The following MAPT variants were observed in gnomAD, a reference collection of about 807,000 sequenced individuals.
MAPT encodes microtubule associated protein tau.
MAPT carries 34 observed loss-of-function variants against 67.9 expected under a neutral mutation model. The ratio of observed to expected loss-of-function variants is 0.50; its 90% CI spans 0.38 to 0.67. The LOEUF is 0.67. Among genes scored for constraint, MAPT ranks in the 30% least tolerant of loss-of-function variants. The probability of loss-of-function intolerance (pLI) is 0.00; values close to 1 mark genes in which losing one functional copy is unlikely to be tolerated. For missense variants in MAPT, 881 were observed against 1,115.2 expected (o/e 0.79, Z 2.99); for synonymous variants, 456 against 464.5 (o/e 0.98, Z 0.23).
chr17:46,013,413 C>A (rs60969130), intron 10 of MAPT, among the ~76,000 whole-genome samples: 31,313 of 152,080 alleles, frequency 0.21, 3,642 homozygotes, highest in East Asian at 0.47. Context: ...TGACTGAGAT[C>A]AGCTGGCAGC....
At chr17:45,938,079 A>C (rs904477106) in intron 1 of MAPT, among the ~76,000 whole-genome samples, 13 of 152,196 alleles carry the variant, frequency 8.5e-5, no homozygotes, top group Non-Finnish European at 1.8e-4. Context: ...AGTCCACATT[A>C]ATGAAATCAA....
In MAPT at chr17:45,971,785, C is replaced by G; in HGVS notation, c.134-74C>G. 1 of 1,063,176 alleles carries G rather than the reference C, an allele frequency of 9.4e-7. No homozygotes were observed. Among genetic ancestry groups the G allele is most frequent in the Non-Finnish European group, 1.5e-6 (1 of 680,726 alleles). 65.9% of individuals were successfully genotyped at this position (1,063,176 alleles called of 1,614,324 possible). On this transcript the variant is annotated intron_variant, in intron 2 of 12. Transcript: ENST00000262410. This position sits in a 1 kb window ranked among gnomAD's most constrained non-coding sequence, Gnocchi z 4.3. The stretch of plus-strand genomic sequence containing the variant: ...TTTCAGCTCCACAGGACACTGCTCC[C>G]CAGTTCCTCCTGAGAACAAAAGGGG...
At chr17:45,974,405 G>A in intron 3 of MAPT, 1 of 1,610,056 alleles carries the variant, frequency 6.2e-7, no homozygotes, top group South Asian at 1.1e-5. Context: ...ACCCTTAGTG[G>A]ATGAGGGAGC....
intron 1 of MAPT, among the ~76,000 whole-genome samples, chr17:45,958,479 G>A (rs1027119756): frequency 1.3e-5 from 2 of 152,194 alleles, no homozygotes; most frequent in Non-Finnish European, 2.9e-5. Context: ...CAGCACTTTG[G>A]AAGGCTGAAG....
intron 1 of MAPT, among the ~76,000 whole-genome samples, chr17:45,941,633 TCTTTCCCTCCTTCCCCCCTTCCAC>T (rs1411386603): frequency 3.4e-5 from 3 of 88,766 alleles, no homozygotes; most frequent in Admixed American, 1.4e-4. Flanking sequence ...CCTCCTTCCC[TCTTTCCCTCCTTCCCCCCTTCCAC>T]CCTTCCCCCC....
At chr17:46,022,968 C>A (rs868196369) in intron 12 of MAPT, among the ~76,000 whole-genome samples, 9 of 152,308 alleles carry the variant, frequency 5.9e-5, no homozygotes, top group Admixed American at 2.6e-4. Flanking sequence ...CCCATCCACA[C>A]ATAAAAAGGC....
rs2076741210 is a variant in MAPT, at chr17:46,024,890, G to C, written c.*719G>C. 6.3e-6 allele frequency: 1 copy of C among 158,140 alleles called. No individual in the cohort carries two copies. Among genetic ancestry groups the C allele is most frequent in the African/African-American group, 2.4e-5 (1 of 41,490 alleles). 9.8% of individuals were successfully genotyped at this position (158,140 alleles called of 1,614,324 possible). A position where few individuals can be genotyped will look rare whatever the true frequency, so the allele number is the denominator to read the frequency against. On this transcript the variant is annotated 3_prime_UTR_variant, in exon 13 of 13. Transcript: ENST00000262410. Reference sequence around the variant, plus strand: ...TGGCCGGGGGTGGGGGCCTGCTGTGGGTCAGTGTGCCACCCTCTGCAGGGC... The same window carrying C: ...TGGCCGGGGGTGGGGGCCTGCTGTGCGTCAGTGTGCCACCCTCTGCAGGGC...
chr17:46,019,882 C>T (rs937129130), intron 12 of MAPT, among the ~76,000 whole-genome samples: 8 of 151,588 alleles, frequency 5.3e-5, no homozygotes, highest in Admixed American at 3.3e-4. Context: ...TGTGGTGGTG[C>T]GTGCCTGTAA....
In MAPT at chr17:46,000,858, G is replaced by A. The variant is rs375295483; in HGVS notation, c.1998+4194G>A. Among the ~76,000 whole-genome samples, 19 of 152,338 alleles carry A rather than the reference G, an allele frequency of 1.2e-4. No homozygotes were observed. In the South Asian group the frequency reaches 3.9e-3, roughly 32 times the overall value. The stretch of plus-strand genomic sequence containing the variant: ...AGCCCCTGGTTCCCACATCCCCTTT[G>A]CCAAGCTCATCCCCGCCCTGTTTGG... On this transcript the variant is annotated intron_variant, in intron 9 of 12. Transcript: ENST00000262410.
chr17:45,940,199 G>A (rs552309902), intron 1 of MAPT, among the ~76,000 whole-genome samples: 2 of 152,352 alleles, frequency 1.3e-5, no homozygotes, highest in African/African-American at 4.8e-5. Context: ...TGGATTTGAT[G>A]CTTTGGAAAG....
At chr17:45,999,808 C>A in intron 9 of MAPT, 1 of 709,566 alleles carries the variant, frequency 1.4e-6, no homozygotes, top group Non-Finnish European at 2.3e-6. Flanking sequence ...GGAAAAGTGG[C>A]AGAGGACACA....
In MAPT at chr17:46,010,061, T is replaced by C. The variant is rs1221100852; in HGVS notation, c.1999-249T>C. On this transcript the variant is annotated intron_variant, in intron 9 of 12. Transcript: ENST00000262410. The surrounding 1 kb of genome is among the most constrained non-coding windows in gnomAD (Gnocchi z 4.7). ...GCAATCCCAGCTTCGTAAAGCCCGC[T>C]GGAAATCACTCACACTTCTGGGATG... 6.6e-6 allele frequency among the ~76,000 whole-genome samples: 1 copy of C among 152,190 alleles called. No individual in the cohort carries two copies. Among genetic ancestry groups the C allele is most frequent in the Non-Finnish European group, 1.5e-5 (1 of 68,032 alleles).
At position 45,950,747 on chromosome 17, in the gene MAPT, C is replaced by T. The variant is rs1598111374; in HGVS notation, c.-17-11574C>T. 3.3e-5 allele frequency among the ~76,000 whole-genome samples: 5 copies of T among 152,274 alleles called. No individual in the cohort carries two copies. In the South Asian group the frequency reaches 1.0e-3, roughly 32 times the overall value. ...GCATGATCTAGGCTCACTGCAACCTCTCCCTCCTGGGTTCAAGTGATTCTC... is the reference window on the plus strand; with the variant it reads ...GCATGATCTAGGCTCACTGCAACCTTTCCCTCCTGGGTTCAAGTGATTCTC... On this transcript the variant is annotated intron_variant, in intron 1 of 12. Coordinates refer to ENST00000262410, the MANE Select transcript of MAPT (RefSeq NM_001377265.1).
intron 1 of MAPT, among the ~76,000 whole-genome samples, chr17:45,946,613 A>T (rs866674897): frequency 3.1e-5 from 3 of 97,846 alleles, no homozygotes; most frequent in Admixed American, 1.1e-4. Context: ...AAAAAAAAAA[A>T]AAATATATAT....
intron 1 of MAPT, among the ~76,000 whole-genome samples, chr17:45,899,627 A>G (rs1228414418): frequency 2.0e-5 from 3 of 152,190 alleles, no homozygotes; most frequent in African/African-American, 4.8e-5. Context: ...GGGAACCCAG[A>G]TATGATCTAT....
chr17:45,919,697 A>C (rs555232367), intron 1 of MAPT, among the ~76,000 whole-genome samples: 1 of 152,386 alleles, frequency 6.6e-6, no homozygotes, highest in East Asian at 1.9e-4. Flanking sequence ...ACTTGAGCCC[A>C]GGAGTTCGAG....
chr17:46,017,274 G>A (rs1229367294), intron 11 of MAPT, among the ~76,000 whole-genome samples: 1 of 152,002 alleles, frequency 6.6e-6, no homozygotes, highest in Non-Finnish European at 1.5e-5. Context: ...GGGAGAAAGG[G>A]TCCTTATTTA....
At chr17:46,014,731 G>A (rs902568201) in intron 11 of MAPT, among the ~76,000 whole-genome samples, 7 of 152,030 alleles carry the variant, frequency 4.6e-5, no homozygotes, top group East Asian at 1.9e-4. Flanking sequence ...AAAATTAGCC[G>A]GGCGTGGTGG....
chr17:46,006,848 G>A (rs989007466), intron 9 of MAPT, among the ~76,000 whole-genome samples: 26 of 151,866 alleles, frequency 1.7e-4, no homozygotes, highest in African/African-American at 4.8e-4. Context: ...GCGTGAACCC[G>A]GGAGGCGGAG....
Sources: allele counts gnomAD v4.1 joint callset (sites outside exome capture counted in the v4.1 genomes callset), GRCh38; gene constraint gnomAD v4.1.1; non-coding constraint Gnocchi (gnomAD v3.1); transcripts MANE v1.5; gene names NCBI Gene and HGNC (gene_info 2026-07-23, HGNC 2026-07-21).